Variants in ACADM observed in about 807,000 individuals in gnomAD.
ACADM encodes the protein acyl-CoA dehydrogenase medium chain.
A neutral mutation model predicts 58.9 loss-of-function variants in ACADM; 49 were observed. That is an observed-to-expected ratio of 0.83 (90% confidence interval 0.66 to 1.06). The LOEUF is 1.06. ACADM is among the 50% of genes least tolerant of loss of function. ACADM has a pLI of 0.00. For synonymous variants in ACADM, 160 were observed against 157.7 expected, an observed-to-expected ratio of 1.01 and a Z score of -0.11; for missense variants, 496 against 507.0, an observed-to-expected ratio of 0.98 and a Z score of 0.21.
At chr1:75,753,278 T>C (rs1437834101) in intron 10 of ACADM, among the ~76,000 whole-genome samples, 2 of 152,142 alleles carry the variant, frequency 1.3e-5, no homozygotes, top group African/African-American at 2.4e-5. Context: ...CCTGTTCTTA[T>C]GTGTTTCTTA....
In ACADM at chr1:75,732,723, A is replaced by G. The variant is rs777436128; in HGVS notation, c.198A>G (p.Glu66=). ...AGGAAATCATCCCAGTGGCTGCAGAATATGATAAAACTGGTGAAGTAGGTA... is the reference window on the plus strand; with the variant it reads ...AGGAAATCATCCCAGTGGCTGCAGAGTATGATAAAACTGGTGAAGTAGGTA... ...AREEIIPVAA[E]YDKTGEYPVP... The change falls in exon 3 of 12, where the codon GAA becomes GAG. Residue 66 remains glutamate (E), a synonymous_variant. Transcript: ENST00000370841. 3 of 1,613,778 alleles carry G rather than the reference A, an allele frequency of 1.9e-6. No individual in the cohort carries two copies. The highest frequency in any genetic ancestry group is 1.1e-5 in the South Asian group (1 of 91,082).
intron 7 of ACADM, among the ~76,000 whole-genome samples, chr1:75,741,026 A>G (rs1647537517): frequency 2.0e-5 from 3 of 152,204 alleles, no homozygotes. Flanking sequence ...AGTTAGAAAA[A>G]TGTAGAATTT....
At chr1:75,742,060 A>G (rs74090730) in intron 7 of ACADM, among the ~76,000 whole-genome samples, 40,609 of 152,050 alleles carry the variant, frequency 0.27, 5,649 homozygotes, top group Middle Eastern at 0.36. Context: ...ATTTAAAATC[A>G]GTTTCTTTAA....
intron 10 of ACADM, among the ~76,000 whole-genome samples, chr1:75,760,726 A>G (rs1461579885): frequency 6.6e-6 from 1 of 152,126 alleles, no homozygotes; most frequent in Middle Eastern, 3.2e-3. Context: ...TTCAACGTAT[A>G]ATGGTGGAAA....
chr1:75,737,286 ATAT>A (rs1647311480), intron 6 of ACADM, among the ~76,000 whole-genome samples: 1 of 64,660 alleles, frequency 1.5e-5, no homozygotes, highest in Non-Finnish European at 3.0e-5. Context: ...ACAAATATAT[ATAT>A]ATATATATAT....
At chr1:75,737,327 T>A (rs1694413) in intron 6 of ACADM, among the ~76,000 whole-genome samples, 4 of 76,670 alleles carry the variant, frequency 5.2e-5, no homozygotes, top group African/African-American at 2.1e-4. Context: ...TATATATATA[T>A]GAAACCAAAA....
chr1:75,747,392 A>G (rs890462402), intron 8 of ACADM, among the ~76,000 whole-genome samples: 1 of 152,344 alleles, frequency 6.6e-6, no homozygotes, highest in Admixed American at 6.5e-5. Flanking sequence ...GGCCTTAGGT[A>G]AATTACTTTC....
chr1:75,752,531 A>T (rs528526302), intron 10 of ACADM, among the ~76,000 whole-genome samples: 1 of 151,974 alleles, frequency 6.6e-6, no homozygotes, highest in Non-Finnish European at 1.5e-5. Flanking sequence ...ATTCTAGATA[A>T]TTTTTTCAGA....
chr1:75,726,991 A>G (rs1309864847), intron 1 of ACADM, among the ~76,000 whole-genome samples: 1 of 151,654 alleles, frequency 6.6e-6, no homozygotes, highest in African/African-American at 2.4e-5. Flanking sequence ...TTTTAGTAGA[A>G]ATGGGGTTTC....
At chr1:75,728,522 TTATACA>T in intron 2 of ACADM, 34 bp downstream of exon 2, 1 of 1,448,566 alleles carries the variant, frequency 6.9e-7, no homozygotes, top group Non-Finnish European at 9.6e-7. Flanking sequence ...GACTTTAAAC[TTATACA>T]TATGAAGCTT....
intron 7 of ACADM, chr1:75,744,678 C>T (rs983634619): frequency 6.0e-6 from 5 of 830,682 alleles, no homozygotes; most frequent in Non-Finnish European, 1.1e-5. Flanking sequence ...ATAAGGAGAC[C>T]CCAGGCAGGG....
chr1:75,733,030 T>A (rs1647175012), intron 4 of ACADM, 108 bp downstream of exon 4: 1 of 1,613,536 alleles, frequency 6.2e-7, no homozygotes, highest in East Asian at 2.2e-5. Flanking sequence ...AATGACTTTC[T>A]ACCTTTGTCT....
chr1:75,728,512 G>A (rs1449126558), intron 2 of ACADM, 24 bp downstream of exon 2: 3 of 1,527,910 alleles, frequency 2.0e-6, no homozygotes, highest in Non-Finnish European at 2.7e-6. Context: ...TCTATCTTTT[G>A]ACTTTAAACT....
chr1:75,754,707 G>A (rs1487859913), intron 10 of ACADM, among the ~76,000 whole-genome samples: 2 of 152,206 alleles, frequency 1.3e-5, no homozygotes, highest in African/African-American at 4.8e-5. Flanking sequence ...TGACACAGAA[G>A]ACGGGTGATT....
intron 10 of ACADM, among the ~76,000 whole-genome samples, chr1:75,759,701 G>C (rs536198817): frequency 2.3e-4 from 16 of 68,518 alleles, no homozygotes; most frequent in Non-Finnish European, 4.1e-4. Flanking sequence ...TGCTTTTGTT[G>C]CCCAGGCTGG....
At chr1:75,756,942 A>G (rs1420012367) in intron 10 of ACADM, among the ~76,000 whole-genome samples, 3 of 152,220 alleles carry the variant, frequency 2.0e-5, no homozygotes, top group Non-Finnish European at 4.4e-5. Flanking sequence ...CAAACCTGAC[A>G]AACACAAGAA....
intron 4 of ACADM, 197 bp from the exon 5 acceptor site, chr1:75,733,331 A>C: frequency 9.1e-7 from 1 of 1,100,754 alleles, no homozygotes; most frequent in Non-Finnish European, 1.3e-6. Flanking sequence ...AAATAGTAAA[A>C]TAATTTTTTG....
chr1:75,749,510 G>A lies in ACADM; in HGVS notation c.800G>A (p.Gly267Glu). Reference sequence around the variant, plus strand: ...AAAGAAAATGTTTTAATTGGTGACGGAGCTGGTTTCAAAGTTGCAATGGGA... The same window carrying A: ...AAAGAAAATGTTTTAATTGGTGACGAAGCTGGTTTCAAAGTTGCAATGGGA... ...VPKENVLIGD[G>E]AGFKVAMGAF... Residue 267 changes from glycine to glutamate, a missense_variant, in exon 9 of 12, where the codon GGA becomes GAA. Gly to Glu is a moderately conservative substitution (Grantham distance 98). Transcript: ENST00000370841. The A allele has an allele frequency of 6.2e-7, 1 of 1,614,044 alleles. No individual in the cohort carries two copies. The highest frequency in any genetic ancestry group is 8.5e-7 in the Non-Finnish European group (1 of 1,179,986).
chr1:75,736,042 A>T (rs1317033844), intron 6 of ACADM, among the ~76,000 whole-genome samples: 1 of 152,148 alleles, frequency 6.6e-6, no homozygotes, highest in Non-Finnish European at 1.5e-5. Flanking sequence ...TAACTGAAGA[A>T]ATAGCAACTT....
Sources: gnomAD v4.1 joint callset for allele counts (sites outside exome capture counted in the v4.1 genomes callset) on GRCh38, gnomAD v4.1.1 for gene constraint, MANE v1.5 for transcripts, NCBI Gene and HGNC (gene_info 2026-07-23, HGNC 2026-07-21) for gene names.